Variants in SYT12 observed in about 807,000 individuals in gnomAD.
SYT12 encodes synaptotagmin 12, also known as synaptotagmin-12.
Under a neutral mutation model 39.5 loss-of-function variants are expected in SYT12, and 27 were observed. The ratio of observed to expected loss-of-function variants is 0.68; its 90% CI spans 0.50 to 0.94. SYT12 has a LOEUF of 0.94. SYT12 is among the 40% of genes least tolerant of loss of function. SYT12 has a pLI of 0.00. For synonymous variants in SYT12, 233 were observed against 239.7 expected, an observed-to-expected ratio of 0.97 and a Z score of 0.26; for missense variants, 536 against 572.6, an observed-to-expected ratio of 0.94 and a Z score of 0.65.
chr11:67,024,805 G>A (rs1385215625), intron 1 of SYT12, among the ~76,000 whole-genome samples: 1 of 152,170 alleles, frequency 6.6e-6, no homozygotes, highest in East Asian at 1.9e-4. Context: ...TGAAGGATGA[G>A]GCTCTCCTGG....
chr11:67,047,579 TATC>T (rs1202118130), intron 7 of SYT12, among the ~76,000 whole-genome samples: 1 of 150,506 alleles, frequency 6.6e-6, no homozygotes, highest in African/African-American at 2.4e-5. Context: ...GAACAAATAT[TATC>T]ATCACCATTT....
chr11:67,016,034 A>G (rs1052130018), intron 3 of SYT12, among the ~76,000 whole-genome samples: 3 of 152,214 alleles, frequency 2.0e-5, no homozygotes, highest in African/African-American at 7.2e-5. Context: ...TAATTCCAGC[A>G]CTTCGGGAGG....
chr11:67,045,885 G>A lies in SYT12; in HGVS notation c.1092+8G>A. On this transcript the variant is annotated splice_region_variant and intron_variant, in intron 7 of 7. Transcript: ENST00000527043. ...CCAGCCATTGTGCTCCAGGTGAGGG[G>A]GGCTGGGGGATGGGAAGGGGCCAGG... 1 of 1,613,970 alleles carries A rather than the reference G, an allele frequency of 6.2e-7. No individual in the cohort carries two copies. The highest frequency in any genetic ancestry group is 8.5e-7 in the Non-Finnish European group (1 of 1,179,938).
In SYT12 at chr11:67,040,197, T is replaced by A. The variant is rs780735404; in HGVS notation, c.615T>A (p.Ile205=). ...SLLPDEQIVG[I]SRIQRNAYSI... Reference sequence around the variant, plus strand: ...TGCCGGACGAGCAGATCGTGGGCATTTCTCGGGTAAGTGGGGCTCAGGGCG... The same window carrying A: ...TGCCGGACGAGCAGATCGTGGGCATATCTCGGGTAAGTGGGGCTCAGGGCG... Residue 205 remains isoleucine, a synonymous_variant, in exon 4 of 8, where the codon ATT becomes ATA. Transcript: ENST00000527043. 1.9e-6 allele frequency: 3 copies of A among 1,572,330 alleles called. No individual in the cohort carries two copies. The Admixed American group carries it at 5.1e-5, about 27-fold the overall frequency.
At chr11:67,039,339 G>C (rs562959662) in intron 3 of SYT12, among the ~76,000 whole-genome samples, 19 of 151,632 alleles carry the variant, frequency 1.3e-4, no homozygotes, top group African/African-American at 4.1e-4. Flanking sequence ...GGCTGGGCAC[G>C]GTGGCTCACG....
intron 3 of SYT12, among the ~76,000 whole-genome samples, chr11:67,035,347 T>TTC (rs1555065768): frequency 1.4e-5 from 2 of 147,938 alleles, no homozygotes; most frequent in Non-Finnish European, 1.5e-5. Context: ...TTTTTTTTTT[T>TTC]CAAAATGCTC....
Position 67,040,029 on chromosome 11 carries a change from G to C in SYT12, c.447G>C (p.Gln149His), listed in dbSNP as rs770528810. The change falls in exon 4 of 8, where the codon CAG becomes CAC. Residue 149 changes from glutamine (Q) to histidine (H), a missense_variant. Gln to His is a conservative substitution (Grantham distance 24, BLOSUM62 0). Coordinates refer to ENST00000527043, the MANE Select transcript of SYT12 (RefSeq NM_177963.4). ...CCTCCGTGAGCAACACCTTTGGGCA[G>C]GACTTCACACTGGGCCAGGTGGAGG... Reference protein sequence around the residue: ...SISSVSNTFGQDFTLGQVEVS... With the variant: ...SISSVSNTFGHDFTLGQVEVS... 6.2e-7 allele frequency: 1 copy of C among 1,613,992 alleles called. No homozygotes were observed. The highest frequency in any genetic ancestry group is 1.1e-5 in the South Asian group (1 of 91,090).
At chr11:67,044,557 G>C (rs1950574270) in intron 5 of SYT12, 36 bp from the exon 6 acceptor site, 1 of 1,603,842 alleles carries the variant, frequency 6.2e-7, no homozygotes, top group African/African-American at 1.3e-5. Flanking sequence ...AAGTCGGGTG[G>C]GGAGAAGCCC....
chr11:67,028,175 G>A (rs1001177915), intron 1 of SYT12: 2 of 152,216 alleles, frequency 1.3e-5, no homozygotes, highest in Admixed American at 6.5e-5. Context: ...ACCTCATGGG[G>A]CTGTTAGGCA....
chr11:67,019,723 C>T (rs1056867950), upstream of SYT12, among the ~76,000 whole-genome samples: 6 of 151,936 alleles, frequency 3.9e-5, no homozygotes, highest in African/African-American at 1.5e-4. Flanking sequence ...CGTGGCAAAA[C>T]CCTGTCTCTA....
intron 1 of SYT12, among the ~76,000 whole-genome samples, chr11:67,009,273 TG>T (rs1449735474): frequency 1.3e-5 from 2 of 152,204 alleles, no homozygotes; most frequent in Non-Finnish European, 1.5e-5. Context: ...CCTGAAGTGC[TG>T]GGGTTACAGG....
At chr11:67,041,197 G>C (rs1219051455) in intron 4 of SYT12, among the ~76,000 whole-genome samples, 1 of 149,862 alleles carries the variant, frequency 6.7e-6, no homozygotes, top group Non-Finnish European at 1.5e-5. Context: ...ATAGGGCCAG[G>C]TGCAGTGGCT....
chr11:67,012,024 A>C (rs959468600), intron 3 of SYT12, among the ~76,000 whole-genome samples: 1 of 148,226 alleles, frequency 6.7e-6, no homozygotes, highest in South Asian at 2.3e-4. Context: ...CGGCCTCCCA[A>C]AGTGCTGGGA....
chr11:67,021,323 C>CTTTTTTTT (rs369425531), upstream of SYT12, among the ~76,000 whole-genome samples: 1 of 145,882 alleles, frequency 6.9e-6, no homozygotes, highest in African/African-American at 2.5e-5. Flanking sequence ...CTCAACTTTG[C>CTTTTTTTT]TTTTTTTTTT....
chr11:67,026,197 G>T (rs915580601), intron 1 of SYT12, among the ~76,000 whole-genome samples: 1 of 152,200 alleles, frequency 6.6e-6, no homozygotes, highest in Non-Finnish European at 1.5e-5. Context: ...GGGCAATGCC[G>T]ACTTAGCTCC....
chr11:67,022,319 T>C (rs986427344), upstream of SYT12, among the ~76,000 whole-genome samples: 2 of 152,110 alleles, frequency 1.3e-5, no homozygotes, highest in African/African-American at 2.4e-5. Flanking sequence ...CCATCTGGGA[T>C]CCTCGCCCCT....
intron 4 of SYT12, among the ~76,000 whole-genome samples, chr11:67,042,675 T>G (rs1950534640): frequency 6.6e-6 from 1 of 152,142 alleles, no homozygotes; most frequent in African/African-American, 2.4e-5. Context: ...AGAGGCTAAT[T>G]TAGCCGAAGG....
At chr11:67,047,852 G>A (rs1854609736) in intron 7 of SYT12, among the ~76,000 whole-genome samples, 1 of 131,236 alleles carries the variant, frequency 7.6e-6, no homozygotes, top group Non-Finnish European at 1.5e-5. Context: ...CAGTGGCGCT[G>A]TCTTGGCTCA....
upstream of SYT12, among the ~76,000 whole-genome samples, chr11:67,021,087 A>G (rs910678453): frequency 8.5e-5 from 13 of 152,144 alleles, no homozygotes; most frequent in African/African-American, 3.1e-4. Flanking sequence ...ACAGTCTTCC[A>G]TTGTGTCACT....
Sources: allele counts gnomAD v4.1 joint callset (sites outside exome capture counted in the v4.1 genomes callset), GRCh38; gene constraint gnomAD v4.1.1; transcripts MANE v1.5; gene names NCBI Gene and HGNC (gene_info 2026-07-23, HGNC 2026-07-21).